FGGY: variants seen among roughly 807,000 people sequenced by gnomAD.
FGGY encodes the protein FGGY carbohydrate kinase domain-containing protein.
In FGGY, 72 loss-of-function variants were observed where a neutral mutation model predicts 71.3. The observed-to-expected ratio is 1.01, with a 90% confidence interval of 0.84 to 1.23. The LOEUF (loss-of-function observed/expected upper bound fraction) is 1.23, where lower values mean the gene tolerates loss of function less well. Ranked by LOEUF, FGGY falls within the 50% of genes most tolerant of loss-of-function variation. The pLI, the probability that FGGY is intolerant of heterozygous loss-of-function variation, is 0.00. For synonymous variants in FGGY, 251 were observed against 250.3 expected (o/e 1.00, Z -0.02); for missense variants, 668 against 682.3 (o/e 0.98, Z 0.23).
chr1:59,458,970 T>C (rs939090706), intron 6 of FGGY, among the ~76,000 whole-genome samples: 1 of 152,200 alleles, frequency 6.6e-6, no homozygotes, highest in Non-Finnish European at 1.5e-5. Context: ...CCCTATGAAG[T>C]GTTAAACATT....
At chr1:59,458,403 G>C (rs1003207665) in intron 6 of FGGY, among the ~76,000 whole-genome samples, 1 of 151,878 alleles carries the variant, frequency 6.6e-6, no homozygotes, top group Non-Finnish European at 1.5e-5. Flanking sequence ...GAGATGCTTG[G>C]TACTAGGAGG....
At chr1:59,693,312 T>G (rs2097611926) in intron 14 of FGGY, among the ~76,000 whole-genome samples, 1 of 152,220 alleles carries the variant, frequency 6.6e-6, no homozygotes, top group African/African-American at 2.4e-5. Context: ...TCAGTAAAAT[T>G]TCTTAGTGTA....
At chr1:59,605,431 A>G (rs2096614823) in intron 8 of FGGY, among the ~76,000 whole-genome samples, 1 of 152,098 alleles carries the variant, frequency 6.6e-6, no homozygotes, top group Admixed American at 6.5e-5. Context: ...TACAGGCACT[A>G]TGCTCTTGTT....
At chr1:59,507,553 G>T (rs2094418356) in intron 6 of FGGY, among the ~76,000 whole-genome samples, 1 of 151,770 alleles carries the variant, frequency 6.6e-6, no homozygotes, top group African/African-American at 2.4e-5. Flanking sequence ...TCTCATTCTT[G>T]TTGCCCAGGA....
At chr1:59,300,722 C>T (rs1462227291) in intron 1 of FGGY, among the ~76,000 whole-genome samples, 2 of 151,950 alleles carry the variant, frequency 1.3e-5, no homozygotes, top group Non-Finnish European at 2.9e-5. Context: ...AGTTCCAGCA[C>T]TGTTTGCTGA....
At chr1:59,635,604 A>C (rs187989781) in intron 10 of FGGY, among the ~76,000 whole-genome samples, 4 of 152,010 alleles carry the variant, frequency 2.6e-5, no homozygotes, top group African/African-American at 9.7e-5. Flanking sequence ...TCTGAAGTGG[A>C]AAGTCGCAAG....
At chr1:59,489,348 T>A (rs1336327847) in intron 6 of FGGY, among the ~76,000 whole-genome samples, 2 of 152,128 alleles carry the variant, frequency 1.3e-5, no homozygotes, top group African/African-American at 2.4e-5. Context: ...TTGTGTTTTT[T>A]AATAAATCTC....
At chr1:59,502,786 T>C (rs1323155056) in intron 6 of FGGY, among the ~76,000 whole-genome samples, 2 of 152,232 alleles carry the variant, frequency 1.3e-5, no homozygotes, top group Non-Finnish European at 2.9e-5. Context: ...TTCAGTTTTC[T>C]CTACTGTAAA....
At chr1:59,752,546 T>C (rs2098254812) in intron 14 of FGGY, among the ~76,000 whole-genome samples, 1 of 152,176 alleles carries the variant, frequency 6.6e-6, no homozygotes, top group African/African-American at 2.4e-5. Context: ...GCTCCCAAAA[T>C]TGCCAACATC....
At chr1:59,434,548 T>C (rs2068020980) in intron 5 of FGGY, among the ~76,000 whole-genome samples, 1 of 152,180 alleles carries the variant, frequency 6.6e-6, no homozygotes, top group African/African-American at 2.4e-5. Flanking sequence ...TGGGCTGCTA[T>C]TAAAAAATGC....
chr1:59,308,442 G>A (rs2043768091), intron 1 of FGGY, among the ~76,000 whole-genome samples: 1 of 152,202 alleles, frequency 6.6e-6, no homozygotes, highest in Non-Finnish European at 1.5e-5. Flanking sequence ...AGAGGGACAG[G>A]TAAATGGCCT....
intron 2 of FGGY, among the ~76,000 whole-genome samples, chr1:59,323,786 G>A (rs192818913): frequency 3.1e-4 from 47 of 152,338 alleles, no homozygotes; most frequent in African/African-American, 1.1e-3. Context: ...CACATAGGAT[G>A]TCATAACATT....
chr1:59,308,937 C>A (rs2043840658), intron 1 of FGGY, among the ~76,000 whole-genome samples: 1 of 151,696 alleles, frequency 6.6e-6, no homozygotes, highest in Admixed American at 6.6e-5. Flanking sequence ...TTTAGAAGTC[C>A]CCTATTAATA....
At chr1:59,493,733 T>C (rs1194071265) in intron 6 of FGGY, among the ~76,000 whole-genome samples, 2 of 152,230 alleles carry the variant, frequency 1.3e-5, no homozygotes, top group Non-Finnish European at 2.9e-5. Flanking sequence ...GATTTCATGA[T>C]GTGTGAATGT....
chr1:59,441,052 C>T (rs1199802419), intron 5 of FGGY, among the ~76,000 whole-genome samples: 1 of 152,138 alleles, frequency 6.6e-6, no homozygotes, highest in Non-Finnish European at 1.5e-5. Flanking sequence ...GAGCTAATTT[C>T]TGTAGCCTTT....
intron 6 of FGGY, among the ~76,000 whole-genome samples, chr1:59,492,770 T>A (rs544476561): frequency 2.6e-4 from 40 of 152,246 alleles, no homozygotes; most frequent in African/African-American, 9.4e-4. Flanking sequence ...TCTGCCTTTT[T>A]ATTAAACAGG....
intron 7 of FGGY, among the ~76,000 whole-genome samples, chr1:59,541,129 A>C (rs1036837121): frequency 1.3e-5 from 2 of 152,228 alleles, no homozygotes; most frequent in East Asian, 3.9e-4. Flanking sequence ...TAGAATTGCA[A>C]CTTCCTCAGC....
intron 14 of FGGY, among the ~76,000 whole-genome samples, chr1:59,726,840 T>G (rs1266855594): frequency 6.6e-6 from 1 of 152,186 alleles, no homozygotes; most frequent in African/African-American, 2.4e-5. Flanking sequence ...GTGTTTAAAT[T>G]CATTGATTTA....
chr1:59,606,920 A>G (rs572856443), intron 8 of FGGY, among the ~76,000 whole-genome samples: 33 of 152,290 alleles, frequency 2.2e-4, no homozygotes, highest in African/African-American at 7.9e-4. Flanking sequence ...ACTAGATGGG[A>G]GCTTCTTGAA....
Sources: gnomAD v4.1 joint callset for allele counts (sites outside exome capture counted in the v4.1 genomes callset) on GRCh38, gnomAD v4.1.1 for gene constraint, MANE v1.5 for transcripts, NCBI Gene and HGNC (gene_info 2026-07-23, HGNC 2026-07-21) for gene names.